GPHN: variants seen among roughly 807,000 people sequenced by gnomAD.
The protein encoded by GPHN is gephyrin.
In GPHN, 17 loss-of-function variants were observed where a neutral mutation model predicts 95.5. The ratio of observed to expected loss-of-function variants is 0.18; its 90% CI spans 0.12 to 0.27. GPHN has a LOEUF of 0.27. Among genes scored for constraint, GPHN ranks in the 10% least tolerant of loss-of-function variants. GPHN has a pLI of 1.00. For missense variants in GPHN, 660 were observed against 978.1 expected, an observed-to-expected ratio of 0.67 and a Z score of 4.34; for synonymous variants, 320 against 322.5, an observed-to-expected ratio of 0.99 and a Z score of 0.08.
intron 2 of GPHN, among the ~76,000 whole-genome samples, chr14:66,691,510 A>C (rs1295681470): frequency 6.6e-6 from 1 of 152,134 alleles, no homozygotes; most frequent in Admixed American, 6.6e-5. Context: ...GATTAAAAAA[A>C]ATTTTTAATG....
At chr14:67,329,045 T>C in the GPHN span, among the ~76,000 whole-genome samples, 8 of 152,226 alleles carry the variant, frequency 5.3e-5, no homozygotes, top group Non-Finnish European at 1.0e-4. Context: ...GGGGATGGCA[T>C]TGAATCTATA....
At chr14:67,308,502 T>C in the GPHN span, among the ~76,000 whole-genome samples, 1 of 151,488 alleles carries the variant, frequency 6.6e-6, no homozygotes, top group Non-Finnish European at 1.5e-5. Flanking sequence ...GGAATATAGA[T>C]CCTGAGTTTT....
chr14:67,166,915 T>G (rs2082311170), intron 20 of GPHN, among the ~76,000 whole-genome samples: 1 of 152,194 alleles, frequency 6.6e-6, no homozygotes, highest in African/African-American at 2.4e-5. Context: ...GCCATCCACC[T>G]GTCTCAGCGT....
At chr14:67,562,028 G>A in the GPHN span, 172 of 1,612,868 alleles carry the variant, frequency 1.1e-4, 4 homozygotes, top group South Asian at 6.9e-4. Flanking sequence ...TTCAAGATGC[G>A]CTAGAAGGTA....
At chr14:66,879,159 A>G (rs780691830) in intron 4 of GPHN, among the ~76,000 whole-genome samples, 2 of 152,168 alleles carry the variant, frequency 1.3e-5, no homozygotes, top group Non-Finnish European at 2.9e-5. Flanking sequence ...TTGAACAATG[A>G]GAACACATGG....
At chr14:66,740,415 C>T (rs1171303139) in intron 2 of GPHN, among the ~76,000 whole-genome samples, 2 of 151,848 alleles carry the variant, frequency 1.3e-5, no homozygotes, top group Non-Finnish European at 2.9e-5. Context: ...TTTAACGATA[C>T]ATATAAAAAG....
At chr14:67,339,141 G>T in the GPHN span, among the ~76,000 whole-genome samples, 1 of 151,680 alleles carries the variant, frequency 6.6e-6, no homozygotes, top group African/African-American at 2.4e-5. Flanking sequence ...GAATACAGGC[G>T]CATGCTGCCA....
intron 11 of GPHN, among the ~76,000 whole-genome samples, chr14:67,060,974 A>T (rs578051769): frequency 6.6e-6 from 1 of 152,172 alleles, no homozygotes; most frequent in Non-Finnish European, 1.5e-5. Flanking sequence ...TTGTTTTTCT[A>T]CATCCTCTTA....
At chr14:66,888,496 C>G (rs1469865895) in intron 5 of GPHN, among the ~76,000 whole-genome samples, 4 of 151,954 alleles carry the variant, frequency 2.6e-5, no homozygotes, top group African/African-American at 9.7e-5. Flanking sequence ...GTTTTGTATG[C>G]TGTTGAAGAT....
At chr14:66,581,229 A>T (rs1343846256) in intron 1 of GPHN, among the ~76,000 whole-genome samples, 1 of 79,154 alleles carries the variant, frequency 1.3e-5, no homozygotes, top group African/African-American at 1.5e-4. Context: ...GTGAAGATGT[A>T]AAAAAAAAAA....
the GPHN span, among the ~76,000 whole-genome samples, chr14:67,412,390 G>C: frequency 6.6e-6 from 1 of 152,206 alleles, no homozygotes; most frequent in Non-Finnish European, 1.5e-5. Context: ...CCTTCGCCAG[G>C]TGCTTCCCGG....
chr14:67,088,175 C>A (rs1287529699), intron 11 of GPHN, among the ~76,000 whole-genome samples: 3 of 151,710 alleles, frequency 2.0e-5, no homozygotes, highest in African/African-American at 7.3e-5. Context: ...TAAGCTTTCT[C>A]TTCTTAAGAA....
the GPHN span, among the ~76,000 whole-genome samples, chr14:67,665,301 A>G: frequency 1.4e-4 from 18 of 129,526 alleles, no homozygotes; most frequent in Non-Finnish European, 1.9e-4. Context: ...CTCAGGCTGG[A>G]GTGAAGTGGC....
the GPHN span, among the ~76,000 whole-genome samples, chr14:67,491,573 C>A: frequency 3.9e-5 from 6 of 152,198 alleles, no homozygotes; most frequent in East Asian, 1.2e-3. Context: ...AGCTCTATGA[C>A]AGGGACCCGG....
At chr14:67,473,439 C>T in the GPHN span, 1 of 1,614,022 alleles carries the variant, frequency 6.2e-7, no homozygotes, top group Non-Finnish European at 8.5e-7. The surrounding 1 kb of genome is among the most constrained non-coding windows in gnomAD (Gnocchi z 6.5). Flanking sequence ...CTTGACATGG[C>T]CGTTGGCCAG....
intron 10 of GPHN, among the ~76,000 whole-genome samples, chr14:67,027,954 G>C (rs999738650): frequency 6.6e-6 from 1 of 152,100 alleles, no homozygotes; most frequent in African/African-American, 2.4e-5. Context: ...TCACCCTACT[G>C]TACTATCAAA....
chr14:66,739,087 A>G (rs980094858), intron 2 of GPHN, among the ~76,000 whole-genome samples: 1 of 152,098 alleles, frequency 6.6e-6, no homozygotes, highest in Non-Finnish European at 1.5e-5. Flanking sequence ...AGAATACCTC[A>G]GGGCTGAACA....
the GPHN span, among the ~76,000 whole-genome samples, chr14:67,578,845 G>A: frequency 4.1e-4 from 62 of 152,298 alleles, no homozygotes; most frequent in Non-Finnish European, 7.1e-4. This position sits in a 1 kb window ranked among gnomAD's most constrained non-coding sequence, Gnocchi z 5.0. Flanking sequence ...ATGTATCCAC[G>A]GATGTACTGT....
At chr14:66,929,061 T>C (rs2153565056) in intron 8 of GPHN, among the ~76,000 whole-genome samples, 1 of 151,612 alleles carries the variant, frequency 6.6e-6, no homozygotes, top group Non-Finnish European at 1.5e-5. Flanking sequence ...TTTCTTTTTT[T>C]TTTTTTTTTT....
Sources: gnomAD v4.1 joint callset for allele counts (sites outside exome capture counted in the v4.1 genomes callset) on GRCh38, gnomAD v4.1.1 for gene constraint, Gnocchi (gnomAD v3.1) non-coding constraint, MANE v1.5 for transcripts, NCBI Gene and HGNC (gene_info 2026-07-23, HGNC 2026-07-21) for gene names.